RIPOR2: variants seen among roughly 807,000 people sequenced by gnomAD.
The protein encoded by RIPOR2 is rho family-interacting cell polarization regulator 2.
In RIPOR2, 39 loss-of-function variants were observed where a neutral mutation model predicts 114.5. The observed-to-expected ratio is 0.34, with a 90% CI of 0.26 to 0.44. The LOEUF (loss-of-function observed/expected upper bound fraction) is 0.44. Ranked by LOEUF, RIPOR2 falls within the 20% of genes least tolerant of loss-of-function variation. The pLI, the probability that RIPOR2 is intolerant of heterozygous loss-of-function variation, is 1.00. For synonymous variants in RIPOR2, 445 were observed against 484.4 expected, an observed-to-expected ratio of 0.92 and a Z score of 1.07; for missense variants, 1,007 against 1,255.1, an observed-to-expected ratio of 0.80 and a Z score of 2.99.
intron 19 of RIPOR2, among the ~76,000 whole-genome samples, chr6:24,824,179 T>C (rs1759950642): frequency 6.6e-6 from 1 of 152,230 alleles, no homozygotes; most frequent in Non-Finnish European, 1.5e-5. Flanking sequence ...TACCAGCATG[T>C]TCACGATTCT....
intron 1 of RIPOR2, chr6:24,910,978 G>A: frequency 1.0e-6 from 1 of 985,198 alleles, no homozygotes; most frequent in Non-Finnish European, 1.2e-6. Context: ...GAGGAAGTCG[G>A]GTGGACGCGA....
At chr6:24,942,801 T>C (rs1016245109) in intron 1 of RIPOR2, among the ~76,000 whole-genome samples, 4 of 152,252 alleles carry the variant, frequency 2.6e-5, no homozygotes, top group African/African-American at 9.6e-5. Context: ...TCATTGTAGA[T>C]TCTGGATATT....
At chr6:24,861,108 A>AC in intron 7 of RIPOR2, 72 bp from the exon 8 acceptor site, 2 of 973,244 alleles carry the variant, frequency 2.1e-6, no homozygotes, top group South Asian at 2.7e-5. Context: ...CGACGTTCGA[A>AC]CAGCAGCACA....
At chr6:25,000,038 C>A (rs1258709793) in intron 1 of RIPOR2, among the ~76,000 whole-genome samples, 1 of 152,104 alleles carries the variant, frequency 6.6e-6, no homozygotes, top group African/African-American at 2.4e-5. Context: ...TCCTTGCCAC[C>A]CTTCATCTTT....
chr6:24,921,497 T>A (rs183522780), intron 1 of RIPOR2, among the ~76,000 whole-genome samples: 41 of 152,066 alleles, frequency 2.7e-4, no homozygotes, highest in Non-Finnish European at 5.4e-4. Context: ...CTTGCTCACA[T>A]TGGTTTCCTT....
At chr6:25,018,414 T>C (rs1271907312) in intron 1 of RIPOR2, among the ~76,000 whole-genome samples, 1 of 152,240 alleles carries the variant, frequency 6.6e-6, no homozygotes, top group African/African-American at 2.4e-5. Context: ...TACTATTAGA[T>C]TTCAAATAGG....
chr6:24,995,045 C>G (rs1325304659), intron 1 of RIPOR2, among the ~76,000 whole-genome samples: 1 of 152,146 alleles, frequency 6.6e-6, no homozygotes, highest in Non-Finnish European at 1.5e-5. Context: ...ATCCAGGGAG[C>G]CATCTGGTTC....
intron 14 of RIPOR2, 67 bp downstream of exon 14, chr6:24,839,023 CA>C (rs1761375990): frequency 7.6e-7 from 1 of 1,311,930 alleles, no homozygotes; most frequent in Non-Finnish European, 1.1e-6. Context: ...TCCCCTCTGA[CA>C]GTAACAAAGA....
chr6:24,862,421 T>C (rs1194220072), intron 7 of RIPOR2, among the ~76,000 whole-genome samples: 4 of 152,238 alleles, frequency 2.6e-5, no homozygotes, highest in Non-Finnish European at 5.9e-5. Flanking sequence ...TTCTGTATGC[T>C]GAGGACCTCA....
At chr6:24,973,342 C>T (rs758837817) in intron 1 of RIPOR2, among the ~76,000 whole-genome samples, 3 of 152,110 alleles carry the variant, frequency 2.0e-5, no homozygotes, top group Non-Finnish European at 4.4e-5. Context: ...GTGGCTTATG[C>T]CTGTAATCCC....
intron 1 of RIPOR2, among the ~76,000 whole-genome samples, chr6:25,001,761 G>A (rs1319434114): frequency 1.4e-5 from 2 of 138,764 alleles, no homozygotes; most frequent in African/African-American, 2.7e-5. Flanking sequence ...GTGCAGTGGC[G>A]CGATCTTGGC....
chr6:24,828,101 G>C (rs1294796552), intron 18 of RIPOR2, 36 bp downstream of exon 18: 1 of 1,473,568 alleles, frequency 6.8e-7, no homozygotes, highest in East Asian at 2.6e-5. Flanking sequence ...GCCAAATTGA[G>C]CCACCACTAC....
intron 1 of RIPOR2, among the ~76,000 whole-genome samples, chr6:24,981,914 C>T (rs1331899709): frequency 6.6e-6 from 1 of 152,178 alleles, no homozygotes; most frequent in Non-Finnish European, 1.5e-5. Context: ...CCTAACATGG[C>T]ATAGAGAGGA....
chr6:24,877,433 T>C (rs2747685), intron 1 of RIPOR2: 497,588 of 795,426 alleles, frequency 0.63, 158,422 homozygotes, highest in African/African-American at 0.89. Flanking sequence ...GCAAATCCCA[T>C]ACTAGCTGGG....
At chr6:24,961,611 G>A (rs1773311557) in intron 1 of RIPOR2, among the ~76,000 whole-genome samples, 1 of 146,958 alleles carries the variant, frequency 6.8e-6, no homozygotes, top group African/African-American at 2.5e-5. Context: ...TGCTTACTTT[G>A]GGGTACAGTT....
At chr6:25,005,754 A>C (rs1378391006) in intron 1 of RIPOR2, among the ~76,000 whole-genome samples, 1 of 100,092 alleles carries the variant, frequency 1.0e-5, no homozygotes, top group African/African-American at 3.1e-5. Context: ...TTTACCGATC[A>C]AAAGATATGC....
intron 9 of RIPOR2, among the ~76,000 whole-genome samples, chr6:24,851,248 G>T (rs1031414033): frequency 2.6e-5 from 4 of 152,124 alleles, no homozygotes; most frequent in Non-Finnish European, 4.4e-5. Context: ...GAGGGTACAG[G>T]TTTTCTGTAG....
At position 25,041,851 on chromosome 6, in the gene RIPOR2, G is replaced by A. The variant is rs1777470872; in HGVS notation, c.76C>T (p.Arg26Ter). 4.3e-6 allele frequency: 3 copies of A among 702,468 alleles called. No homozygotes were observed. The African/African-American group carries it at 5.2e-5, about 12-fold the overall frequency. 43.5% of individuals were successfully genotyped at this position (702,468 alleles called of 1,614,324 possible). ...AGGTAACACCAGACGGGACACTCACGGTTGAGCTGGCGCCTCCGGATCCTG... is the reference window on the plus strand; with the variant it reads ...AGGTAACACCAGACGGGACACTCACAGTTGAGCTGGCGCCTCCGGATCCTG... The change falls in exon 1 of 14, where the codon CGA becomes TGA. Residue 26 changes from arginine to a stop codon, truncating the protein, a stop_gained and splice_region_variant. Coordinates refer to the RIPOR2 transcript ENST00000510784. LOFTEE classifies it high-confidence loss of function.
At chr6:24,891,514 T>TA (rs66763945) in intron 1 of RIPOR2, among the ~76,000 whole-genome samples, 47,448 of 148,328 alleles carry the variant, frequency 0.32, 8,027 homozygotes, top group African/African-American at 0.45. Context: ...AGTAACGAGA[T>TA]AAAAAAAAAA....
Sources: allele counts gnomAD v4.1 joint callset (sites outside exome capture counted in the v4.1 genomes callset), GRCh38; gene constraint gnomAD v4.1.1; transcripts MANE v1.5; gene names NCBI Gene and HGNC (gene_info 2026-07-23, HGNC 2026-07-21).